Variants in IMMP2L observed in about 807,000 individuals in gnomAD.
IMMP2L encodes the protein mitochondrial inner membrane protease subunit 2.
Under a neutral mutation model 19.3 loss-of-function variants are expected in IMMP2L, and 18 were observed. That is an observed-to-expected ratio of 0.93 (90% confidence interval 0.64 to 1.38). The LOEUF is 1.38. IMMP2L is among the 40% of genes most tolerant of loss of function. IMMP2L has a pLI of 0.00. For missense variants in IMMP2L, 233 were observed against 218.2 expected (o/e 1.07, Z -0.43); for synonymous variants, 76 against 73.0 (o/e 1.04, Z -0.21).
chr7:111,220,171 T>C (rs529685887), intron 3 of IMMP2L, among the ~76,000 whole-genome samples: 53 of 152,092 alleles, frequency 3.5e-4, no homozygotes, highest in Non-Finnish European at 5.4e-4. Context: ...ATTCCCACCA[T>C]ATTAAAACAG....
At chr7:110,958,551 T>C (rs1818601176) in intron 4 of IMMP2L, among the ~76,000 whole-genome samples, 1 of 152,058 alleles carries the variant, frequency 6.6e-6, no homozygotes, top group Non-Finnish European at 1.5e-5. Flanking sequence ...GCAAAGTGAC[T>C]GCTAATTGTA....
chr7:110,669,706 G>A (rs1205548517), intron 5 of IMMP2L, among the ~76,000 whole-genome samples: 3 of 152,144 alleles, frequency 2.0e-5, no homozygotes, highest in Admixed American at 6.5e-5. Flanking sequence ...TTTCGTAGCC[G>A]AGGTAGTGTA....
intron 3 of IMMP2L, among the ~76,000 whole-genome samples, chr7:111,008,678 C>T (rs1472605001): frequency 6.6e-6 from 1 of 151,876 alleles, no homozygotes; most frequent in Non-Finnish European, 1.5e-5. Context: ...TTCATGCTGA[C>T]AGGAACCTTA....
chr7:111,190,930 A>G (rs917296641), intron 3 of IMMP2L, among the ~76,000 whole-genome samples: 4 of 152,134 alleles, frequency 2.6e-5, no homozygotes, highest in Non-Finnish European at 4.4e-5. Flanking sequence ...ATGACAGTAT[A>G]TGTCAAACAC....
intron 4 of IMMP2L, among the ~76,000 whole-genome samples, chr7:110,888,068 A>G (rs1013071168): frequency 6.6e-6 from 1 of 152,182 alleles, no homozygotes; most frequent in African/African-American, 2.4e-5. Flanking sequence ...ACTTTACTTT[A>G]GATCAGTAAA....
intron 4 of IMMP2L, among the ~76,000 whole-genome samples, chr7:110,939,196 C>G (rs1386982930): frequency 2.6e-5 from 4 of 152,108 alleles, no homozygotes; most frequent in Non-Finnish European, 5.9e-5. Flanking sequence ...TCTGATTTAA[C>G]TGGTCTGAAA....
chr7:110,849,150 A>C (rs1351136911), intron 5 of IMMP2L, among the ~76,000 whole-genome samples: 1 of 152,120 alleles, frequency 6.6e-6, no homozygotes, highest in African/African-American at 2.4e-5. Flanking sequence ...CAGTGGGAGA[A>C]GCTGGGGTAT....
chr7:111,381,066 C>T (rs1831153265), intron 3 of IMMP2L, among the ~76,000 whole-genome samples: 1 of 151,894 alleles, frequency 6.6e-6, no homozygotes, highest in South Asian at 2.1e-4. Flanking sequence ...CCTGCATTTC[C>T]ATCAACAAGT....
chr7:111,465,569 A>G (rs1840569044), intron 3 of IMMP2L, among the ~76,000 whole-genome samples: 1 of 151,904 alleles, frequency 6.6e-6, no homozygotes, highest in South Asian at 2.1e-4. Context: ...AAGACACATG[A>G]AAAAATGCTC....
At chr7:110,842,032 T>C (rs1554434237) in intron 5 of IMMP2L, among the ~76,000 whole-genome samples, 1 of 152,088 alleles carries the variant, frequency 6.6e-6, no homozygotes, top group Non-Finnish European at 1.5e-5. Context: ...AGCATGAAAA[T>C]TGTCCACTGT....
chr7:111,445,074 G>A (rs924604278), intron 3 of IMMP2L, among the ~76,000 whole-genome samples: 7 of 152,004 alleles, frequency 4.6e-5, no homozygotes, highest in Middle Eastern at 3.4e-3. Context: ...AGATCTAAAC[G>A]TCCATAAAAA....
chr7:111,215,962 C>A (rs987492168), intron 3 of IMMP2L, among the ~76,000 whole-genome samples: 3 of 152,112 alleles, frequency 2.0e-5, no homozygotes, highest in African/African-American at 7.2e-5. Context: ...ACTATAATTT[C>A]TCTTTTATTG....
rs889058349 is a variant in IMMP2L at position 111,500,200 on chromosome 7, G to A, written c.136-12859C>T. Among the ~76,000 whole-genome samples the A allele has an allele frequency of 3.9e-5, 6 of 152,226 alleles. No homozygotes were observed. In the East Asian group the frequency reaches 7.7e-4, roughly 20 times the overall value. ...GAGGGTCCTATGCCCATGGAGTCTC[G>A]CTGATTGCTAGCACAGCAGTCTGAG... On this transcript the variant is annotated intron_variant, in intron 2 of 5. Coordinates refer to ENST00000405709, the MANE Select transcript of IMMP2L (RefSeq NM_032549.4).
chr7:110,916,762 CT>C (rs1175931742), intron 4 of IMMP2L, among the ~76,000 whole-genome samples: 1 of 152,132 alleles, frequency 6.6e-6, no homozygotes, highest in African/African-American at 2.4e-5. Flanking sequence ...TACTGGTAAA[CT>C]TTTACTATGT....
intron 3 of IMMP2L, among the ~76,000 whole-genome samples, chr7:111,189,018 A>G (rs1444898924): frequency 6.6e-6 from 1 of 152,116 alleles, no homozygotes; most frequent in Non-Finnish European, 1.5e-5. Flanking sequence ...CAGCTCCATT[A>G]CTGCACCTAC....
At chr7:110,767,673 T>C (rs951693058) in intron 5 of IMMP2L, among the ~76,000 whole-genome samples, 3 of 152,206 alleles carry the variant, frequency 2.0e-5, no homozygotes, top group Non-Finnish European at 4.4e-5. Flanking sequence ...TCCAATGTTA[T>C]TCTCTTGATG....
chr7:111,039,730 G>T (rs1791704573), intron 3 of IMMP2L, among the ~76,000 whole-genome samples: 1 of 152,146 alleles, frequency 6.6e-6, no homozygotes, highest in Admixed American at 6.6e-5. Flanking sequence ...AACTCAAGAA[G>T]TAATTCCAGC....
chr7:110,889,107 G>A (rs1457850064), intron 4 of IMMP2L, among the ~76,000 whole-genome samples: 2 of 152,134 alleles, frequency 1.3e-5, no homozygotes, highest in East Asian at 3.9e-4. Flanking sequence ...TCTTTAAAGT[G>A]GGACAAGACA....
At chr7:110,968,825 T>C (rs1819837649) in intron 3 of IMMP2L, among the ~76,000 whole-genome samples, 1 of 152,076 alleles carries the variant, frequency 6.6e-6, no homozygotes, top group African/African-American at 2.4e-5. Context: ...AGAAAACGCA[T>C]AAAAGGTCTA....
Sources: allele counts gnomAD v4.1 joint callset (sites outside exome capture counted in the v4.1 genomes callset), GRCh38; gene constraint gnomAD v4.1.1; transcripts MANE v1.5; gene names NCBI Gene and HGNC (gene_info 2026-07-23, HGNC 2026-07-21).